Variants in POC1B observed in about 807,000 individuals in gnomAD.
POC1B encodes POC1 centriolar protein B.
A neutral mutation model predicts 60.6 loss-of-function variants in POC1B; 44 were observed. The observed-to-expected ratio is 0.73, with a 90% CI of 0.57 to 0.93. POC1B has a LOEUF of 0.93. Ranked by LOEUF, POC1B falls within the 40% of genes least tolerant of loss-of-function variation. POC1B has a pLI of 0.00. For missense variants in POC1B, 555 were observed against 572.3 expected (o/e 0.97, Z 0.31); for synonymous variants, 180 against 198.9 (o/e 0.90, Z 0.80).
intron 10 of POC1B, among the ~76,000 whole-genome samples, chr12:89,442,510 TC>T (rs1340456400): frequency 6.6e-6 from 1 of 152,160 alleles, no homozygotes; most frequent in African/African-American, 2.4e-5. Context: ...AAACTAAGCT[TC>T]ATAAGTGAAG....
chr12:89,458,995 C>T (rs1270022159), intron 10 of POC1B, among the ~76,000 whole-genome samples: 2 of 152,102 alleles, frequency 1.3e-5, no homozygotes, highest in Admixed American at 1.3e-4. Context: ...AGAAATACTT[C>T]TTAATTTATG....
intron 4 of POC1B, among the ~76,000 whole-genome samples, chr12:89,480,514 A>C (rs1883283336): frequency 1.3e-5 from 2 of 151,050 alleles, no homozygotes; most frequent in South Asian, 4.2e-4. Flanking sequence ...TCTGCCTCCA[A>C]GGTTCACACG....
intron 2 of POC1B, among the ~76,000 whole-genome samples, chr12:89,503,961 G>C (rs1182568943): frequency 6.6e-6 from 1 of 150,974 alleles, no homozygotes; most frequent in East Asian, 2.0e-4. Context: ...GTCTCCGCCC[G>C]GCAGCCGCCC....
chr12:89,502,624 G>T, intron 2 of POC1B: 1 of 1,322,036 alleles, frequency 7.6e-7, no homozygotes, highest in Admixed American at 1.8e-5. Context: ...TTATTCTCAT[G>T]GATCTTGTAA....
chr12:89,510,688 A>G (rs562132552), intron 2 of POC1B, among the ~76,000 whole-genome samples: 5 of 152,178 alleles, frequency 3.3e-5, no homozygotes, highest in Admixed American at 6.5e-5. Flanking sequence ...AGGTTGTGCA[A>G]AATTGCAGTT....
intron 10 of POC1B, among the ~76,000 whole-genome samples, chr12:89,450,511 T>G (rs1881998116): frequency 6.6e-6 from 1 of 152,138 alleles, no homozygotes; most frequent in African/African-American, 2.4e-5. Flanking sequence ...CTGCCCAAGG[T>G]CAATCTTCTT....
At chr12:89,458,195 A>T (rs1299052589) in intron 10 of POC1B, among the ~76,000 whole-genome samples, 2 of 152,246 alleles carry the variant, frequency 1.3e-5, no homozygotes, top group Admixed American at 6.5e-5. Context: ...AGCACATCTC[A>T]TAAACCTCCT....
Position 89,525,886 on chromosome 12 carries a change from C to T in POC1B, c.10G>A (p.Ala4Thr), listed in dbSNP as rs199806871. ...CACCTCCAACCCGTCCTTACCGTGGCTGAGGCCATCGGGGGAGTGGTCGGC... is the reference window on the plus strand; with the variant it reads ...CACCTCCAACCCGTCCTTACCGTGGTTGAGGCCATCGGGGGAGTGGTCGGC... The part of the protein sequence containing the change: MAS[A>T]TEDPVLERYF... Residue 4 changes from alanine to threonine, a missense_variant, in exon 1 of 12, where the codon GCC (alanine) becomes ACC (threonine). By Grantham distance (58) the Ala-to-Thr change is moderately conservative (BLOSUM62 0). Coordinates refer to ENST00000313546, the MANE Select transcript of POC1B (RefSeq NM_172240.3). The T allele has an allele frequency of 5.3e-4, 782 of 1,464,620 alleles. No individual in the cohort carries two copies. The highest frequency in any genetic ancestry group is 9.1e-4 in the Middle Eastern group (4 of 4,406). The allele number at this position is 1,464,620 out of a possible 1,614,324, so 90.7% of individuals were successfully genotyped here.
intron 2 of POC1B, chr12:89,523,348 G>C: frequency 6.2e-7 from 1 of 1,614,010 alleles, no homozygotes; most frequent in Non-Finnish European, 8.5e-7. Flanking sequence ...TTCTTTTCTT[G>C]CTGGAGGGTT....
At chr12:89,416,030 T>C (rs1453387797), downstream of POC1B, among the ~76,000 whole-genome samples, 3 of 152,208 alleles carry the variant, frequency 2.0e-5, no homozygotes, top group Non-Finnish European at 2.9e-5. Context: ...TAGAGCAATG[T>C]TTTAGAAAGA....
intron 10 of POC1B, 158 bp from the exon 11 acceptor site, chr12:89,425,537 G>T: frequency 3.8e-6 from 2 of 523,392 alleles, no homozygotes; most frequent in South Asian, 3.2e-5. Flanking sequence ...AATTAAATAA[G>T]GAATTATTAT....
the POC1B span, among the ~76,000 whole-genome samples, chr12:89,411,239 T>C: frequency 7.9e-5 from 12 of 152,314 alleles, no homozygotes; most frequent in African/African-American, 2.6e-4. Flanking sequence ...CAAGCTACCA[T>C]TGGCTTTCTT....
chr12:89,479,064 T>C (rs139319868), intron 4 of POC1B, among the ~76,000 whole-genome samples: 5 of 152,234 alleles, frequency 3.3e-5, no homozygotes, highest in Non-Finnish European at 7.4e-5. Flanking sequence ...CTTCATCATA[T>C]GTTTAAAAGT....
chr12:89,454,103 T>C (rs144720849), intron 10 of POC1B, among the ~76,000 whole-genome samples: 2 of 152,308 alleles, frequency 1.3e-5, no homozygotes, highest in Non-Finnish European at 2.9e-5. Flanking sequence ...GCCGATCACT[T>C]TTCTGATCCT....
intron 10 of POC1B, among the ~76,000 whole-genome samples, chr12:89,435,132 TAC>T (rs1410829976): frequency 6.6e-6 from 1 of 150,888 alleles, no homozygotes; most frequent in East Asian, 1.9e-4. Flanking sequence ...TATAACTGGA[TAC>T]AGTTGAAAAA....
chr12:89,509,424 T>TG (rs1167147966), intron 2 of POC1B, among the ~76,000 whole-genome samples: 7 of 151,946 alleles, frequency 4.6e-5, no homozygotes, highest in Non-Finnish European at 8.8e-5. Flanking sequence ...AGCCCTGAAA[T>TG]GGGCCTTTTT....
At chr12:89,521,750 C>T (rs1870896732) in intron 2 of POC1B, 1 of 344,028 alleles carries the variant, frequency 2.9e-6, no homozygotes, top group Non-Finnish European at 5.2e-6. Context: ...GTGCCAGGCT[C>T]GGTGCTAGGA....
chr12:89,504,644 A>G (rs1869811035), intron 2 of POC1B, among the ~76,000 whole-genome samples: 1 of 152,214 alleles, frequency 6.6e-6, no homozygotes, highest in South Asian at 2.1e-4. Flanking sequence ...GTTAATAAGT[A>G]TAGAGGAAAA....
At chr12:89,483,894 C>T (rs1868488542) in intron 4 of POC1B, among the ~76,000 whole-genome samples, 2 of 152,126 alleles carry the variant, frequency 1.3e-5, no homozygotes. Context: ...CTGGAAGTAG[C>T]AAATATGGGG....
Sources: allele counts gnomAD v4.1 joint callset (sites outside exome capture counted in the v4.1 genomes callset), GRCh38; gene constraint gnomAD v4.1.1; transcripts MANE v1.5; gene names NCBI Gene and HGNC (gene_info 2026-07-23, HGNC 2026-07-21).